Variants in GALNTL6 observed in about 807,000 individuals in gnomAD.
GALNTL6 encodes the protein polypeptide N-acetylgalactosaminyltransferase-like 6.
A neutral mutation model predicts 73.7 loss-of-function variants in GALNTL6; 46 were observed. The ratio of observed to expected loss-of-function variants is 0.62; its 90% confidence interval spans 0.49 to 0.80. The LOEUF (loss-of-function observed/expected upper bound fraction) is 0.80. GALNTL6 is among the 30% of genes least tolerant of loss of function. The pLI is 0.00. For missense variants in GALNTL6, 604 were observed against 755.0 expected (o/e 0.80, Z 2.34); for synonymous variants, 259 against 263.7 (o/e 0.98, Z 0.17).
chr4:173,019,907 G>A (rs1247093109), intron 11 of GALNTL6, among the ~76,000 whole-genome samples: 1 of 152,176 alleles, frequency 6.6e-6, no homozygotes, highest in African/African-American at 2.4e-5. Flanking sequence ...TTCCTAGGTG[G>A]AACCTAACAG....
intron 5 of GALNTL6, among the ~76,000 whole-genome samples, chr4:172,695,686 G>A (rs1168161195): frequency 2.6e-5 from 4 of 151,870 alleles, no homozygotes; most frequent in Admixed American, 6.6e-5. Flanking sequence ...TGTGGCTCAC[G>A]CCTGTAATCC....
intron 5 of GALNTL6, among the ~76,000 whole-genome samples, chr4:172,584,047 A>G (rs1305038020): frequency 6.6e-6 from 1 of 152,104 alleles, no homozygotes; most frequent in Non-Finnish European, 1.5e-5. Flanking sequence ...AATTTGTGTA[A>G]GGCACTATGG....
intron 5 of GALNTL6, among the ~76,000 whole-genome samples, chr4:172,534,893 A>T (rs1395999731): frequency 1.3e-5 from 2 of 152,162 alleles, no homozygotes; most frequent in African/African-American, 4.8e-5. Context: ...AAGATTTACA[A>T]ACCTGAAAAT....
At chr4:172,445,095 A>G (rs1466342015) in intron 5 of GALNTL6, among the ~76,000 whole-genome samples, 1 of 152,186 alleles carries the variant, frequency 6.6e-6, no homozygotes, top group Non-Finnish European at 1.5e-5. Flanking sequence ...GCCTATAACC[A>G]GGGCACTATT....
At chr4:172,225,487 A>C (rs537787405) in intron 2 of GALNTL6, among the ~76,000 whole-genome samples, 1 of 151,758 alleles carries the variant, frequency 6.6e-6, no homozygotes, top group Non-Finnish European at 1.5e-5. Context: ...CCCAACCCAT[A>C]ATAAGCCTCA....
intron 5 of GALNTL6, among the ~76,000 whole-genome samples, chr4:172,556,503 A>T (rs574403012): frequency 1.3e-5 from 2 of 152,212 alleles, no homozygotes; most frequent in South Asian, 4.1e-4. Context: ...TTTAAGTATA[A>T]TATGTTCCAA....
rs752166032 is a variant in GALNTL6 at position 172,923,049 on chromosome 4, G to A, written c.1042-8112G>A. Among the ~76,000 whole-genome samples the A allele has an allele frequency of 6.6e-5, 10 of 152,284 alleles. No homozygotes were observed. In the East Asian group the frequency reaches 1.4e-3, roughly 21 times the overall value. The stretch of plus-strand genomic sequence containing the variant: ...GGGAAACACCTATGCAGGAAGGACC[G>A]CTCCTTAAGAGACCCAGTAATCATC... On this transcript the variant is annotated intron_variant, in intron 8 of 12. Coordinates refer to ENST00000506823, the MANE Select transcript of GALNTL6 (RefSeq NM_001034845.3).
intron 5 of GALNTL6, among the ~76,000 whole-genome samples, chr4:172,532,153 A>AT (rs1735189724): frequency 6.6e-6 from 1 of 152,198 alleles, no homozygotes; most frequent in Non-Finnish European, 1.5e-5. Flanking sequence ...AAGTCCAAAC[A>AT]CCCAGTACTC....
chr4:171,907,103 C>G (rs28791015), intron 2 of GALNTL6, among the ~76,000 whole-genome samples: 5,718 of 152,118 alleles, frequency 0.038, 320 homozygotes, highest in African/African-American at 0.12. Context: ...GATGCCCTCT[C>G]TCACCACTCC....
At chr4:171,838,709 A>G (rs1429953509) in intron 2 of GALNTL6, among the ~76,000 whole-genome samples, 3 of 152,154 alleles carry the variant, frequency 2.0e-5, no homozygotes, top group African/African-American at 4.8e-5. Context: ...CTAAGCAACA[A>G]AGTGCTGGTC....
At chr4:172,231,238 C>T (rs1257124072) in intron 3 of GALNTL6, among the ~76,000 whole-genome samples, 1 of 152,084 alleles carries the variant, frequency 6.6e-6, no homozygotes, top group Non-Finnish European at 1.5e-5. Flanking sequence ...CCTTATGACC[C>T]CAGGATGCTG....
chr4:172,966,582 A>G (rs899164667), intron 10 of GALNTL6, among the ~76,000 whole-genome samples: 8 of 152,150 alleles, frequency 5.3e-5, no homozygotes, highest in Non-Finnish European at 8.8e-5. Context: ...TTTAGTAGAG[A>G]CGGAGTTTCT....
intron 2 of GALNTL6, among the ~76,000 whole-genome samples, chr4:171,836,063 A>C (rs1735086375): frequency 2.2e-5 from 3 of 136,816 alleles, no homozygotes; most frequent in Admixed American, 1.4e-4. Flanking sequence ...AGCATCATAA[A>C]ATAGTGCTAG....
At chr4:172,239,044 A>G (rs1038498968) in intron 3 of GALNTL6, among the ~76,000 whole-genome samples, 3 of 152,110 alleles carry the variant, frequency 2.0e-5, no homozygotes, top group Admixed American at 2.0e-4. Context: ...TTCATCAAAG[A>G]TATTAGCCTA....
chr4:172,624,951 C>A (rs1447803265), intron 5 of GALNTL6, among the ~76,000 whole-genome samples: 1 of 151,998 alleles, frequency 6.6e-6, no homozygotes, highest in Non-Finnish European at 1.5e-5. Context: ...AGTTTTTCAA[C>A]CCTTTACGCC....
At chr4:173,011,924 G>C (rs1458888572) in intron 11 of GALNTL6, among the ~76,000 whole-genome samples, 1 of 152,040 alleles carries the variant, frequency 6.6e-6, no homozygotes, top group African/African-American at 2.4e-5. Context: ...GTATTTTAGA[G>C]ATGGGGTCTT....
At chr4:172,651,127 T>C (rs902384559) in intron 5 of GALNTL6, among the ~76,000 whole-genome samples, 2 of 152,218 alleles carry the variant, frequency 1.3e-5, no homozygotes, top group African/African-American at 2.4e-5. Flanking sequence ...TATTAGTCCA[T>C]GTGTATTGTC....
chr4:171,939,238 TA>T (rs1738447646), intron 2 of GALNTL6, among the ~76,000 whole-genome samples: 2 of 152,110 alleles, frequency 1.3e-5, no homozygotes, highest in African/African-American at 4.8e-5. Context: ...ACATTGGCAT[TA>T]ACTATTGCTT....
intron 3 of GALNTL6, among the ~76,000 whole-genome samples, chr4:172,266,924 A>G (rs1269441100): frequency 6.6e-6 from 1 of 152,128 alleles, no homozygotes; most frequent in African/African-American, 2.4e-5. Flanking sequence ...ATTTGTTAAC[A>G]TGCACATCCC....
Sources: allele counts gnomAD v4.1 joint callset (sites outside exome capture counted in the v4.1 genomes callset), GRCh38; gene constraint gnomAD v4.1.1; transcripts MANE v1.5; gene names NCBI Gene and HGNC (gene_info 2026-07-23, HGNC 2026-07-21).